Variants in ATP6V0A4 observed in about 807,000 individuals in gnomAD.
The protein encoded by ATP6V0A4 is ATPase H+ transporting V0 subunit a4, also known as V-type proton ATPase 116 kDa subunit a 4.
In ATP6V0A4, 86 loss-of-function variants were observed where a neutral mutation model predicts 107.3. The ratio of observed to expected loss-of-function variants is 0.80; its 90% CI spans 0.67 to 0.96. The LOEUF (loss-of-function observed/expected upper bound fraction) is 0.96, where lower values mean the gene tolerates loss of function less well. Ranked by LOEUF, ATP6V0A4 falls within the 40% of genes least tolerant of loss-of-function variation. The pLI is 0.00. For synonymous variants in ATP6V0A4, 353 were observed against 381.4 expected (o/e 0.93, Z 0.87); for missense variants, 908 against 1,045.6 (o/e 0.87, Z 1.81).
At chr7:138,722,836 A>C (rs755343692) in intron 18 of ATP6V0A4, among the ~76,000 whole-genome samples, 1 of 149,152 alleles carries the variant, frequency 6.7e-6, no homozygotes, top group Non-Finnish European at 1.5e-5. Context: ...AGTTGAGAGG[A>C]TTGCCTGAGG....
intron 5 of ATP6V0A4, among the ~76,000 whole-genome samples, chr7:138,765,836 C>T (rs61027494): frequency 0.11 from 16,708 of 152,126 alleles, 1,152 homozygotes; most frequent in East Asian, 0.36. Context: ...TTACCACAGC[C>T]TCCACCTTCT....
chr7:138,707,521 C>A (rs1273540321), intron 21 of ATP6V0A4, among the ~76,000 whole-genome samples: 1 of 147,846 alleles, frequency 6.8e-6, no homozygotes, highest in Non-Finnish European at 1.5e-5. Context: ...CCTGCCTCAG[C>A]CTTCCGAGTA....
intron 18 of ATP6V0A4, among the ~76,000 whole-genome samples, chr7:138,726,544 A>G (rs778445516): frequency 6.6e-6 from 1 of 152,216 alleles, no homozygotes; most frequent in Non-Finnish European, 1.5e-5. Flanking sequence ...GTTGTAGGAG[A>G]GGCTAATAGA....
At chr7:138,744,355 G>C (rs748215340) in intron 14 of ATP6V0A4, among the ~76,000 whole-genome samples, 2 of 149,882 alleles carry the variant, frequency 1.3e-5, no homozygotes, top group East Asian at 4.0e-4. Flanking sequence ...CTCGTGCCTT[G>C]GCCTCCTTAG....
chr7:138,720,262 A>G (rs2117208700), intron 19 of ATP6V0A4, among the ~76,000 whole-genome samples: 1 of 152,260 alleles, frequency 6.6e-6, no homozygotes, highest in Non-Finnish European at 1.5e-5. Context: ...GCAAGCAAGG[A>G]ACTTGAAAGA....
intron 12 of ATP6V0A4, 164 bp from the exon 13 acceptor site, chr7:138,747,728 A>G (rs1318467264): frequency 8.9e-7 from 1 of 1,124,242 alleles, no homozygotes; most frequent in African/African-American, 1.6e-5. Flanking sequence ...CTGCCACATA[A>G]ATGAGTGCAT....
rs1261396860 is a variant in ATP6V0A4 at position 138,734,216 on chromosome 7, G to A, written c.1611C>T (p.Asn537=). Reference sequence around the variant, plus strand: ...TCACCGACATCTTCATTTTATACGAGTTCAGAAATGTGAGTTTGTTTGAAG... The same window carrying A: ...TCACCGACATCTTCATTTTATACGAATTCAGAAATGTGAGTTTGTTTGAAG... ...NLASNKLTFL[N]SYKMKMSVIL... The change falls in exon 16 of 22, where the codon AAC becomes AAT. Residue 537 remains asparagine (N), a synonymous_variant. Transcript: ENST00000310018. 1 of 1,613,636 alleles carries A rather than the reference G, an allele frequency of 6.2e-7. No homozygotes were observed. The highest frequency in any genetic ancestry group is 8.5e-7 in the Non-Finnish European group (1 of 1,179,630).
intron 16 of ATP6V0A4, 110 bp downstream of exon 16, chr7:138,734,026 T>C (rs1208362853): frequency 1.1e-5 from 14 of 1,295,686 alleles, no homozygotes; most frequent in Non-Finnish European, 1.5e-5. Flanking sequence ...GTACCCCTCA[T>C]AGGAAGAAAA....
At position 138,709,817 on chromosome 7, in the gene ATP6V0A4, T is replaced by C. The variant is rs1359831014; in HGVS notation, c.2258-22A>G. On this transcript the variant is annotated intron_variant, in intron 20 of 21. Transcript: ENST00000310018. ...AGTTCTGCAAGGTACGAGAAACCAC[T>C]GGGATTATCTTGTAAATGCAGATTG... The C allele has an allele frequency of 2.5e-6, 4 of 1,612,322 alleles. No individual in the cohort carries two copies. In the African/African-American group the frequency reaches 5.3e-5, roughly 22 times the overall value.
chr7:138,720,706 A>T (rs1340301694), intron 19 of ATP6V0A4, among the ~76,000 whole-genome samples: 1 of 151,340 alleles, frequency 6.6e-6, no homozygotes, highest in Non-Finnish European at 1.5e-5. Flanking sequence ...GCATGATCTC[A>T]GCTCATTGCA....
At chr7:138,707,350 A>ATTATATATATATTTAT (rs1385766898) in intron 21 of ATP6V0A4, among the ~76,000 whole-genome samples, 6 of 90,392 alleles carry the variant, frequency 6.6e-5, no homozygotes, top group East Asian at 5.2e-4. Flanking sequence ...TATATATTAT[A>ATTATATATATATTTAT]ATATATATTA....
rs200974414 is a variant in ATP6V0A4 at position 138,777,663 on chromosome 7, CAT to C, written c.-17-6401_-17-6400del. On this transcript the variant is annotated intron_variant, in intron 2 of 21. Transcript: ENST00000310018. ...ACACACACACACACACACACACACA[CAT>C]ATATATTACTTTGGCTTCTGCATCT... is the stretch of plus-strand genomic sequence containing the variant. Among the ~76,000 whole-genome samples the C allele has an allele frequency of 6.7e-3, 991 of 147,328 alleles. 21 individuals are homozygous for C. Among genetic ancestry groups the C allele is most frequent in the African/African-American group, 0.023 (937 of 39,882 alleles).
At chr7:138,789,030 C>T (rs961794192) in intron 1 of ATP6V0A4, among the ~76,000 whole-genome samples, 3 of 152,148 alleles carry the variant, frequency 2.0e-5, no homozygotes, top group African/African-American at 7.2e-5. Context: ...TCTCTGAGGT[C>T]CTTTTCCAAC....
At chr7:138,739,668 A>G in intron 14 of ATP6V0A4, 35 bp from the exon 15 acceptor site, 1 of 1,612,574 alleles carries the variant, frequency 6.2e-7, no homozygotes. Context: ...ACAAACAATG[A>G]TCAACCGGGG....
intron 17 of ATP6V0A4, 65 bp downstream of exon 17, chr7:138,732,811 AG>A (rs1805088376): frequency 7.2e-7 from 1 of 1,394,164 alleles, no homozygotes; most frequent in Non-Finnish European, 9.7e-7. Context: ...AAAAAAGAGT[AG>A]GAGAGAAATT....
intron 6 of ATP6V0A4, 74 bp from the exon 7 acceptor site, chr7:138,762,508 T>C (rs1159408349): frequency 1.3e-6 from 2 of 1,588,238 alleles, no homozygotes; most frequent in Non-Finnish European, 1.7e-6. Context: ...ACCTCAAGAT[T>C]TTCTCTGGTT....
At chr7:138,721,870 T>C (rs1383155270) in intron 19 of ATP6V0A4, 27 bp downstream of exon 19, 1 of 1,613,448 alleles carries the variant, frequency 6.2e-7, no homozygotes, top group East Asian at 2.2e-5. Flanking sequence ...CTGGGGAGTC[T>C]TCCTCAGGGG....
chr7:138,723,153 C>T (rs939524695), intron 18 of ATP6V0A4, among the ~76,000 whole-genome samples: 1 of 152,132 alleles, frequency 6.6e-6, no homozygotes, highest in African/African-American at 2.4e-5. Context: ...TGCCTGACTC[C>T]AGTGCATGTG....
intron 1 of ATP6V0A4, among the ~76,000 whole-genome samples, chr7:138,788,553 G>A (rs1373335527): frequency 6.6e-6 from 1 of 152,176 alleles, no homozygotes; most frequent in Admixed American, 6.5e-5. Context: ...ACAACCTTAA[G>A]AAGCAGGACA....
Sources: gnomAD v4.1 joint callset for allele counts (sites outside exome capture counted in the v4.1 genomes callset) on GRCh38, gnomAD v4.1.1 for gene constraint, MANE v1.5 for transcripts, NCBI Gene and HGNC (gene_info 2026-07-23, HGNC 2026-07-21) for gene names.